Variants in MAGI3 observed in about 807,000 individuals in gnomAD.
MAGI3 encodes membrane associated guanylate kinase, WW and PDZ domain containing 3.
A neutral mutation model predicts 121.8 loss-of-function variants in MAGI3; 43 were observed. The observed-to-expected ratio is 0.35, with a 90% CI of 0.28 to 0.46. MAGI3 has a LOEUF of 0.46. Among genes scored for constraint, MAGI3 ranks in the 20% least tolerant of loss-of-function variants. The probability of loss-of-function intolerance (pLI) is 1.00; values close to 1 mark genes in which losing one functional copy is unlikely to be tolerated. For missense variants in MAGI3, 1,547 were observed against 1,797.3 expected (o/e 0.86, Z 2.52); for synonymous variants, 553 against 639.3 (o/e 0.86, Z 2.04).
At chr1:113,441,122 T>C (rs189966865) in intron 1 of MAGI3, among the ~76,000 whole-genome samples, 3 of 152,284 alleles carry the variant, frequency 2.0e-5, no homozygotes, top group Non-Finnish European at 4.4e-5. Context: ...TGGAGATCTA[T>C]AGCTTCAATG....
chr1:113,478,672 G>A (rs187158820), intron 1 of MAGI3, among the ~76,000 whole-genome samples: 252 of 152,316 alleles, frequency 1.7e-3, no homozygotes, highest in Non-Finnish European at 3.0e-3. Context: ...CCCCTACTGG[G>A]AGGTGTCTCC....
At chr1:113,566,775 T>C (rs547680378) in intron 2 of MAGI3, among the ~76,000 whole-genome samples, 93 of 152,068 alleles carry the variant, frequency 6.1e-4, no homozygotes, top group Non-Finnish European at 9.4e-4. Flanking sequence ...CTAAAACTTA[T>C]GGAATATAGT....
intron 1 of MAGI3, among the ~76,000 whole-genome samples, chr1:113,405,110 G>A (rs1333528827): frequency 6.6e-6 from 1 of 152,114 alleles, no homozygotes; most frequent in Non-Finnish European, 1.5e-5. Flanking sequence ...TGATATATGA[G>A]AATTTCCAGA....
chr1:113,611,938 TA>T (rs1650170918), intron 6 of MAGI3, among the ~76,000 whole-genome samples: 1 of 146,482 alleles, frequency 6.8e-6, no homozygotes, highest in African/African-American at 2.5e-5. Flanking sequence ...AATCCCAACT[TA>T]TTTATTTATT....
intron 20 of MAGI3, among the ~76,000 whole-genome samples, chr1:113,682,028 C>A (rs1045961430): frequency 4.5e-4 from 68 of 151,974 alleles, no homozygotes; most frequent in African/African-American, 1.5e-3. Context: ...CCCCACCCCA[C>A]CGCTTTTGAG....
intron 8 of MAGI3, among the ~76,000 whole-genome samples, chr1:113,620,096 A>G (rs1469470036): frequency 1.3e-5 from 2 of 152,176 alleles, no homozygotes; most frequent in Admixed American, 1.3e-4. Flanking sequence ...TTTGTTTTGA[A>G]GATTGGAATG....
intron 11 of MAGI3, among the ~76,000 whole-genome samples, chr1:113,644,730 A>G (rs1652737525): frequency 6.6e-6 from 1 of 152,238 alleles, no homozygotes; most frequent in African/African-American, 2.4e-5. Context: ...TAAGAACTTT[A>G]AAAAGGAGTG....
At chr1:113,425,528 C>T (rs1431552575) in intron 1 of MAGI3, among the ~76,000 whole-genome samples, 1 of 151,930 alleles carries the variant, frequency 6.6e-6, no homozygotes, top group Non-Finnish European at 1.5e-5. Context: ...TCGTGATCTG[C>T]CCACCTCAGC....
chr1:113,547,848 G>C (rs942280019), intron 1 of MAGI3, among the ~76,000 whole-genome samples: 1 of 152,148 alleles, frequency 6.6e-6, no homozygotes, highest in Non-Finnish European at 1.5e-5. Context: ...ATTCTTCTGT[G>C]TTCATCCTGG....
At chr1:113,623,052 G>A in intron 9 of MAGI3, 58 bp downstream of exon 9, 1 of 1,132,164 alleles carries the variant, frequency 8.8e-7, no homozygotes. Context: ...AAATTATAGT[G>A]AAGAGATTTT....
intron 1 of MAGI3, among the ~76,000 whole-genome samples, chr1:113,504,099 T>C (rs1657190738): frequency 6.6e-6 from 1 of 152,052 alleles, no homozygotes; most frequent in African/African-American, 2.4e-5. Flanking sequence ...AAAATACGGT[T>C]AAAGAGGATT....
At chr1:113,637,393 C>G (rs947560804) in intron 9 of MAGI3, among the ~76,000 whole-genome samples, 2 of 152,046 alleles carry the variant, frequency 1.3e-5, no homozygotes, top group African/African-American at 4.8e-5. Context: ...ATGTTTAGTG[C>G]TTCCTTCAGG....
At chr1:113,682,407 T>C in intron 20 of MAGI3, 1 of 1,419,002 alleles carries the variant, frequency 7.0e-7, no homozygotes, top group Non-Finnish European at 9.2e-7. Flanking sequence ...TTTTCAGTCT[T>C]CTTTTGACAT....
chr1:113,437,817 T>C (rs887969090), intron 1 of MAGI3, among the ~76,000 whole-genome samples: 1 of 7,262 alleles, frequency 1.4e-4, no homozygotes, highest in Admixed American at 1.6e-3. Flanking sequence ...TTCTTCTTCT[T>C]CTTCTTCTTC....
At chr1:113,474,000 C>T (rs545684492) in intron 1 of MAGI3, among the ~76,000 whole-genome samples, 19 of 146,066 alleles carry the variant, frequency 1.3e-4, no homozygotes, top group African/African-American at 4.3e-4. Context: ...TTTTGATTTG[C>T]ATTTCTCTGA....
At chr1:113,597,245 A>G (rs1173395250) in intron 6 of MAGI3, among the ~76,000 whole-genome samples, 1 of 152,198 alleles carries the variant, frequency 6.6e-6, no homozygotes, top group Admixed American at 6.5e-5. Context: ...TTCTATTTGT[A>G]TGAAATGTCC....
intron 9 of MAGI3, among the ~76,000 whole-genome samples, chr1:113,633,541 G>A (rs960967405): frequency 2.0e-4 from 30 of 152,060 alleles, no homozygotes; most frequent in East Asian, 3.9e-4. Flanking sequence ...GATTACAGGC[G>A]TGAGCCACCG....
At chr1:113,466,767 T>C (rs908531623) in intron 1 of MAGI3, among the ~76,000 whole-genome samples, 1 of 152,130 alleles carries the variant, frequency 6.6e-6, no homozygotes, top group African/African-American at 2.4e-5. Flanking sequence ...TGGCATATAG[T>C]CTCTAATGAT....
chr1:113,615,681 T>G (rs1180241201), intron 7 of MAGI3, among the ~76,000 whole-genome samples: 1 of 152,174 alleles, frequency 6.6e-6, no homozygotes, highest in East Asian at 1.9e-4. Flanking sequence ...ATGTGTCTCC[T>G]AAGGAAATGA....
Sources: gnomAD v4.1 joint callset for allele counts (sites outside exome capture counted in the v4.1 genomes callset) on GRCh38, gnomAD v4.1.1 for gene constraint, MANE v1.5 for transcripts, NCBI Gene and HGNC (gene_info 2026-07-23, HGNC 2026-07-21) for gene names.